CPED1: variants seen among roughly 807,000 people sequenced by gnomAD.
The protein encoded by CPED1 is cadherin-like and PC-esterase domain-containing protein 1.
Under a neutral mutation model 128.2 loss-of-function variants are expected in CPED1, and 114 were observed. The ratio of observed to expected loss-of-function variants is 0.89; its 90% CI spans 0.76 to 1.04. The LOEUF (loss-of-function observed/expected upper bound fraction) is 1.04, where lower values mean the gene tolerates loss of function less well. CPED1 is among the 50% of genes least tolerant of loss of function. The pLI is 0.00. For missense variants in CPED1, 1,211 were observed against 1,207.1 expected (o/e 1.00, Z -0.05); for synonymous variants, 462 against 426.7 (o/e 1.08, Z -1.02).
intron 5 of CPED1, among the ~76,000 whole-genome samples, chr7:121,067,055 G>C (rs908339352): frequency 3.3e-5 from 5 of 151,932 alleles, no homozygotes; most frequent in African/African-American, 1.2e-4. Flanking sequence ...TCCATGGCTG[G>C]GGGGCACAGG....
chr7:121,213,010 C>T (rs969447630), intron 16 of CPED1, among the ~76,000 whole-genome samples: 2 of 151,850 alleles, frequency 1.3e-5, no homozygotes, highest in Admixed American at 6.6e-5. Context: ...GATTTATGTA[C>T]ATGCTGGCTT....
intron 16 of CPED1, among the ~76,000 whole-genome samples, chr7:121,223,935 T>G (rs754685099): frequency 1.4e-4 from 21 of 152,068 alleles, no homozygotes; most frequent in Non-Finnish European, 2.9e-4. Context: ...ATTTTTTTTT[T>G]GAAGGAATTT....
chr7:121,067,474 T>C (rs921396983), intron 5 of CPED1, among the ~76,000 whole-genome samples: 1 of 152,222 alleles, frequency 6.6e-6, no homozygotes, highest in African/African-American at 2.4e-5. Context: ...TAGTATTCCA[T>C]GGTGTACACG....
chr7:121,124,437 G>T lies in CPED1; in HGVS notation c.1025G>T (p.Ser342Ile). 6.3e-7 allele frequency: 1 copy of T among 1,597,332 alleles called. No individual in the cohort carries two copies. The part of the protein sequence containing the change: ...GKLLLAAEVF[S>I]ETSTLGPKTF... ...CTACTGCTAGCGGCTGAAGTATTCA[G>T]TGAAACATCTACTCTGGGACCAAAG... The change falls in exon 8 of 23, where the codon AGT (serine) becomes ATT (isoleucine). Residue 342 changes from serine (S) to isoleucine (I), a missense_variant. Ser to Ile is a moderately radical substitution (Grantham distance 142). Coordinates refer to ENST00000310396, the MANE Select transcript of CPED1 (RefSeq NM_024913.5).
intron 18 of CPED1, among the ~76,000 whole-genome samples, chr7:121,245,981 C>G (rs1798520923): frequency 6.6e-6 from 1 of 151,978 alleles, no homozygotes; most frequent in Admixed American, 6.6e-5. Flanking sequence ...GTGTGAGCCA[C>G]CATGCCCAGC....
At chr7:121,292,647 C>T (rs547551939) in intron 22 of CPED1, among the ~76,000 whole-genome samples, 125 of 152,158 alleles carry the variant, frequency 8.2e-4, no homozygotes, top group African/African-American at 2.8e-3. Context: ...TCCTCATCTT[C>T]GTGGATTTAC....
chr7:121,225,980 T>A (rs13438301), intron 16 of CPED1, among the ~76,000 whole-genome samples: 96 of 152,026 alleles, frequency 6.3e-4, no homozygotes, highest in African/African-American at 2.2e-3. Flanking sequence ...CCTACTTCTG[T>A]CAACTCATTA....
chr7:121,016,418 G>A (rs1792301843), intron 3 of CPED1, among the ~76,000 whole-genome samples: 1 of 152,148 alleles, frequency 6.6e-6, no homozygotes, highest in Non-Finnish European at 1.5e-5. Context: ...ATAACAATAA[G>A]ACCTAACGTT....
At chr7:121,046,849 T>G (rs776066168) in intron 3 of CPED1, 38 bp from the exon 4 acceptor site, 7 of 1,345,782 alleles carry the variant, frequency 5.2e-6, no homozygotes, top group Non-Finnish European at 7.3e-6. Flanking sequence ...AAATATCTGA[T>G]GAAAACTTAT....
chr7:121,034,723 A>T (rs1052281984), intron 3 of CPED1, among the ~76,000 whole-genome samples: 1 of 152,132 alleles, frequency 6.6e-6, no homozygotes, highest in African/African-American at 2.4e-5. Flanking sequence ...ACTTGTATAT[A>T]CCAATCATCT....
intron 16 of CPED1, among the ~76,000 whole-genome samples, chr7:121,172,267 A>G (rs1176400557): frequency 6.6e-6 from 1 of 152,188 alleles, no homozygotes; most frequent in African/African-American, 2.4e-5. Context: ...TTACAGATAA[A>G]TGATGATTTT....
chr7:121,009,070 G>T (rs944494069), intron 2 of CPED1, among the ~76,000 whole-genome samples: 2 of 151,852 alleles, frequency 1.3e-5, no homozygotes, highest in African/African-American at 4.8e-5. Context: ...GACTTACTGG[G>T]TTTATCCTAG....
chr7:121,285,071 G>A (rs1184464476), intron 22 of CPED1, among the ~76,000 whole-genome samples: 1 of 152,210 alleles, frequency 6.6e-6, no homozygotes, highest in Admixed American at 6.5e-5. Flanking sequence ...TCTAGGTGGA[G>A]GTTCCCAAAC....
At chr7:121,138,453 C>A (rs1795829504) in intron 14 of CPED1, among the ~76,000 whole-genome samples, 1 of 152,026 alleles carries the variant, frequency 6.6e-6, no homozygotes, top group South Asian at 2.1e-4. Context: ...GATGTCAGAA[C>A]TAAATCAGCT....
chr7:121,256,124 C>CAAAAAAACAAACAAACAAACAAAAAAA (rs1333114209), intron 18 of CPED1, among the ~76,000 whole-genome samples: 2 of 45,338 alleles, frequency 4.4e-5, no homozygotes, highest in African/African-American at 1.1e-4. Context: ...AAAAAAAAAA[C>CAAAAAAACAAACAAACAAACAAAAAAA]AAAACAAAAA....
chr7:121,013,715 TCCTGAACTA>T (rs1370932539), intron 2 of CPED1, among the ~76,000 whole-genome samples: 6 of 152,220 alleles, frequency 3.9e-5, no homozygotes, highest in Non-Finnish European at 8.8e-5. Context: ...GTTTGTGTCC[TCCTGAACTA>T]CTCTATGCTC....
intron 22 of CPED1, among the ~76,000 whole-genome samples, chr7:121,288,643 A>G (rs1461034020): frequency 6.6e-6 from 1 of 152,344 alleles, no homozygotes; most frequent in East Asian, 1.9e-4. Flanking sequence ...CTACACCAGC[A>G]TTATCCAATG....
At position 121,064,800 on chromosome 7, in the gene CPED1, A is replaced by T. The variant is rs113672479; in HGVS notation, c.616+487A>T. 6.7e-3 allele frequency among the ~76,000 whole-genome samples: 1,024 copies of T among 152,296 alleles called. 13 individuals carry two copies. Among genetic ancestry groups the T allele is most frequent in the African/African-American group, 0.022 (925 of 41,568 alleles). ...TTTAACTATGTTAGGAATTTGGGAC[A>T]AAAATTACCATCTTCAGTTTCCTCA... is the stretch of plus-strand genomic sequence containing the variant. On this transcript the variant is annotated intron_variant, in intron 5 of 22. Coordinates refer to ENST00000310396, the MANE Select transcript of CPED1 (RefSeq NM_024913.5).
At chr7:121,126,979 G>T (rs1353854217) in intron 9 of CPED1, 111 bp from the exon 10 acceptor site, 2 of 752,044 alleles carry the variant, frequency 2.7e-6, no homozygotes, top group Non-Finnish European at 4.1e-6. Flanking sequence ...ACCACTAGAT[G>T]TCAGTTCTGA....
Sources: allele counts gnomAD v4.1 joint callset (sites outside exome capture counted in the v4.1 genomes callset), GRCh38; gene constraint gnomAD v4.1.1; transcripts MANE v1.5; gene names NCBI Gene and HGNC (gene_info 2026-07-23, HGNC 2026-07-21).